Variants in FAM120C observed in about 807,000 individuals in gnomAD.
FAM120C encodes family with sequence similarity 120 member C.
Under a neutral mutation model 71.2 loss-of-function variants are expected in FAM120C, and 14 were observed. The observed-to-expected ratio is 0.20, with a 90% CI of 0.13 to 0.31. The LOEUF is 0.31. FAM120C is among the 10% of genes least tolerant of loss of function. The pLI is 1.00. For missense variants in FAM120C, 500 were observed against 879.0 expected (o/e 0.57, Z 5.45); for synonymous variants, 354 against 353.2 (o/e 1.00, Z -0.03).
At chrX:54,129,731 T>C (rs1376438506) in intron 9 of FAM120C, among the ~76,000 whole-genome samples, 91 of 112,082 alleles carry the variant, frequency 8.1e-4, no homozygotes, top group African/African-American at 2.9e-3. Flanking sequence ...CTGGGCACCA[T>C]TGAGCACTGA....
At chrX:54,137,605 C>T (rs2067101285) in intron 4 of FAM120C, among the ~76,000 whole-genome samples, 1 of 111,465 alleles carries the variant, frequency 9.0e-6, no homozygotes, top group South Asian at 3.6e-4. Context: ...AGTTATACAG[C>T]AAAGAGTATA....
Position 54,182,633 on chromosome X carries a change from G to A in FAM120C, c.566C>T (p.Ala189Val), listed in dbSNP as rs782085379. The A allele has an allele frequency of 2.5e-6, 3 of 1,205,494 alleles. No individual in the cohort carries two copies. Among genetic ancestry groups the A allele is most frequent in the Admixed American group, 4.4e-5 (2 of 45,622 alleles). Residue 189 changes from alanine to valine, a missense_variant, in exon 1 of 16, where the codon GCC becomes GTC. Transcript: ENST00000375180. ...RLAEWGRRCQ[A>V]ERQTAQLIVG... The stretch of plus-strand genomic sequence containing the variant: ...GATCAGTTGCGCTGTCTGCCGCTCG[G>A]CCTGGCACCGACGGCCCCACTCGGC...
chrX:54,082,410 C>CT (rs782588243), intron 13 of FAM120C, among the ~76,000 whole-genome samples: 164 of 109,760 alleles, frequency 1.5e-3, no homozygotes, highest in African/African-American at 5.3e-3. Flanking sequence ...CTAAACTACT[C>CT]TTTTTTTTGT....
intron 1 of FAM120C, among the ~76,000 whole-genome samples, chrX:54,160,001 G>T (rs2067228383): frequency 9.3e-6 from 1 of 107,180 alleles, no homozygotes; most frequent in East Asian, 2.9e-4. Context: ...TATTCCCCTG[G>T]TTTTTTTTTC....
intron 15 of FAM120C, among the ~76,000 whole-genome samples, chrX:54,078,526 A>G (rs1379398600): frequency 1.8e-5 from 2 of 111,446 alleles, no homozygotes; most frequent in Non-Finnish European, 3.8e-5. Context: ...TTGCCTAAAA[A>G]TAACATTAAA....
intron 1 of FAM120C, among the ~76,000 whole-genome samples, chrX:54,176,633 T>C (rs183700772): frequency 2.6e-4 from 29 of 111,079 alleles, no homozygotes; most frequent in African/African-American, 9.5e-4. Context: ...AACTTCTGAG[T>C]AAAAGGAGTT....
chrX:54,078,364 T>C (rs1473519340), intron 15 of FAM120C, among the ~76,000 whole-genome samples: 1 of 111,518 alleles, frequency 9.0e-6, no homozygotes, highest in Non-Finnish European at 1.9e-5. Flanking sequence ...ATCTGGTGAT[T>C]AGCTTTCCTT....
chrX:54,163,920 A>G (rs2067246727), intron 1 of FAM120C, among the ~76,000 whole-genome samples: 1 of 107,281 alleles, frequency 9.3e-6, no homozygotes, highest in African/African-American at 3.4e-5. Flanking sequence ...ATGTGTGTAT[A>G]TATACATATA....
In FAM120C at chrX:54,179,909, CATTTT is replaced by C. The variant is rs1557137124; in HGVS notation, c.699+2586_699+2590del. On this transcript the variant is annotated intron_variant, in intron 1 of 15. Coordinates refer to ENST00000375180, the MANE Select transcript of FAM120C (RefSeq NM_017848.6). Reference sequence around the variant, plus strand: ...AGGACTGCTGGGAATTTTTCCCCAACATTTTATTATGAAAAACTTCAAACACATGG... The same window carrying C: ...AGGACTGCTGGGAATTTTTCCCCAACATTATGAAAAACTTCAAACACATGG... 3.6e-5 allele frequency among the ~76,000 whole-genome samples: 4 copies of C among 112,018 alleles called. No individual in the cohort carries two copies. In the Admixed American group the frequency reaches 3.8e-4, roughly 11 times the overall value.
intron 4 of FAM120C, among the ~76,000 whole-genome samples, chrX:54,139,584 G>A (rs1027110687): frequency 1.2e-4 from 13 of 110,587 alleles, no homozygotes; most frequent in South Asian, 3.8e-4. Context: ...CTCGTGATCC[G>A]TCCATCTCGG....
At chrX:54,117,820 A>C (rs1188204558) in intron 9 of FAM120C, among the ~76,000 whole-genome samples, 2 of 112,309 alleles carry the variant, frequency 1.8e-5, no homozygotes, top group Non-Finnish European at 3.8e-5. Context: ...ACAAGGAAAG[A>C]AGCACAAGGA....
intron 10 of FAM120C, among the ~76,000 whole-genome samples, chrX:54,116,279 A>T (rs1180489638): frequency 9.0e-6 from 1 of 111,517 alleles, no homozygotes; most frequent in African/African-American, 3.3e-5. Context: ...GAATAAAAGA[A>T]GGAAATTGGA....
At chrX:54,145,972 C>G (rs1432300247) in intron 4 of FAM120C, among the ~76,000 whole-genome samples, 1 of 112,042 alleles carries the variant, frequency 8.9e-6, no homozygotes, top group East Asian at 2.8e-4. Context: ...GAATACTATG[C>G]AGCCATAAAA....
chrX:54,081,372 G>A lies in FAM120C; in HGVS notation c.2928C>T (p.Gly976=). The change falls in exon 14 of 16, where the codon GGC becomes GGT. Residue 976 remains glycine (G), a synonymous_variant. Transcript: ENST00000375180. ...CCACTTGCATGCCGAAGGATCCTCG[G>A]CCCCTGGAGGATCTGCTGCCAGCCC... ...GQWAGSRSSR[G]RGSFGMQVVS... The A allele has an allele frequency of 8.3e-7, 1 of 1,208,564 alleles. No individual in the cohort carries two copies. The highest frequency in any genetic ancestry group is 1.1e-6 in the Non-Finnish European group (1 of 894,264).
At chrX:54,118,326 A>G (rs58957997) in intron 9 of FAM120C, among the ~76,000 whole-genome samples, 2,652 of 110,632 alleles carry the variant, frequency 0.024, 87 homozygotes, top group African/African-American at 0.084. Context: ...TTGCTGAGTA[A>G]TATTCCATGG....
At chrX:54,180,474 C>CA (rs1404731880) in intron 1 of FAM120C, among the ~76,000 whole-genome samples, 1 of 112,429 alleles carries the variant, frequency 8.9e-6, no homozygotes, top group Non-Finnish European at 1.9e-5. Flanking sequence ...ATTTACCTCT[C>CA]AGTCCTCAGC....
intron 10 of FAM120C, among the ~76,000 whole-genome samples, chrX:54,095,058 A>G (rs2066843726): frequency 9.1e-6 from 1 of 109,414 alleles, no homozygotes; most frequent in Non-Finnish European, 1.9e-5. Flanking sequence ...CAGAGCAAGA[A>G]CTTGTTTCAA....
At chrX:54,132,991 T>G (rs1603359224) in intron 8 of FAM120C, 128 bp from the exon 9 acceptor site, 1 of 483,952 alleles carries the variant, frequency 2.1e-6, no homozygotes, top group African/African-American at 2.4e-5. Flanking sequence ...TTAGACAGTT[T>G]CATACTAAAA....
intron 14 of FAM120C, among the ~76,000 whole-genome samples, chrX:54,080,941 G>A (rs782508253): frequency 1.8e-5 from 2 of 109,835 alleles, no homozygotes; most frequent in East Asian, 2.9e-4. Flanking sequence ...AAGCCAAGAC[G>A]GGAGGATTGT....
Sources: gnomAD v4.1 joint callset for allele counts (sites outside exome capture counted in the v4.1 genomes callset) on GRCh38, gnomAD v4.1.1 for gene constraint, MANE v1.5 for transcripts, NCBI Gene and HGNC (gene_info 2026-07-23, HGNC 2026-07-21) for gene names.